The following EYA2 variants were observed in gnomAD, a reference collection of about 807,000 sequenced individuals.
The protein encoded by EYA2 is EYA transcriptional coactivator and phosphatase 2.
Under a neutral mutation model 69.2 loss-of-function variants are expected in EYA2, and 31 were observed. The observed-to-expected ratio is 0.45, with a 90% CI of 0.34 to 0.60. The LOEUF (loss-of-function observed/expected upper bound fraction) is 0.60. EYA2 is among the 20% of genes least tolerant of loss of function. The probability of loss-of-function intolerance (pLI) is 0.02; values close to 1 mark genes in which losing one functional copy is unlikely to be tolerated. For synonymous variants in EYA2, 257 were observed against 279.4 expected (o/e 0.92, Z 0.80); for missense variants, 622 against 701.2 (o/e 0.89, Z 1.28).
In EYA2 at chr20:47,144,058, T is replaced by A. The variant is rs1243359322; in HGVS notation, c.978+910T>A. 2.6e-5 allele frequency among the ~76,000 whole-genome samples: 4 copies of A among 152,170 alleles called. 1 individual carries two copies. The highest frequency in any genetic ancestry group is 2.1e-4 in the South Asian group (1 of 4,832). ...TGTTCACCTTATTGGTTCAACAGAT[T>A]GAAAAGTAAAGGCAACCGGCCGGGC... is the stretch of plus-strand genomic sequence containing the variant. On this transcript the variant is annotated intron_variant, in intron 10 of 15. Coordinates refer to ENST00000327619, the MANE Select transcript of EYA2 (RefSeq NM_005244.5).
intron 1 of EYA2, among the ~76,000 whole-genome samples, chr20:46,922,304 G>A (rs1037528122): frequency 6.6e-6 from 1 of 152,126 alleles, no homozygotes; most frequent in African/African-American, 2.4e-5. Context: ...GTAATTTTAG[G>A]TGCCTAGAAA....
chr20:47,140,455 A>G (rs2033570409), intron 9 of EYA2, among the ~76,000 whole-genome samples: 1 of 151,992 alleles, frequency 6.6e-6, no homozygotes, highest in South Asian at 2.1e-4. Context: ...TTTAAGGGTC[A>G]AAAAGGGTTT....
At position 47,148,428 on chromosome 20, in the gene EYA2, G is replaced by A. The variant is rs143749573; in HGVS notation, c.978+5280G>A. ...GGGGATAGGCAAGTGGGGGTTCTATGGTACCAGGGCAAATTGTTTAATTGC... is the reference window on the plus strand; with the variant it reads ...GGGGATAGGCAAGTGGGGGTTCTATAGTACCAGGGCAAATTGTTTAATTGC... On this transcript the variant is annotated intron_variant, in intron 10 of 15. Coordinates refer to ENST00000327619, the MANE Select transcript of EYA2 (RefSeq NM_005244.5). Among the ~76,000 whole-genome samples, 523 of 152,274 alleles carry A rather than the reference G, an allele frequency of 3.4e-3. 1 individual carries two copies. The highest frequency in any genetic ancestry group is 0.012 in the African/African-American group (478 of 41,554).
intron 12 of EYA2, among the ~76,000 whole-genome samples, chr20:47,177,306 C>T (rs2034446080): frequency 6.6e-6 from 1 of 151,474 alleles, no homozygotes; most frequent in Non-Finnish European, 1.5e-5. Context: ...AAAGATGGGG[C>T]CTTCCTGTCT....
chr20:47,041,575 G>A (rs1432075660), intron 5 of EYA2, among the ~76,000 whole-genome samples: 1 of 152,200 alleles, frequency 6.6e-6, no homozygotes, highest in Non-Finnish European at 1.5e-5. Context: ...TTATCACTGA[G>A]TTGCAGTGCC....
intron 9 of EYA2, among the ~76,000 whole-genome samples, chr20:47,106,648 GCTATGGTC>G (rs891699130): frequency 6.6e-6 from 1 of 151,838 alleles, no homozygotes; most frequent in African/African-American, 2.4e-5. Flanking sequence ...AGTGAGGCTG[GCTATGGTC>G]CTATCTGCCT....
At chr20:47,074,401 C>T (rs1338695001) in intron 7 of EYA2, 66 bp downstream of exon 7, 25 of 1,513,496 alleles carry the variant, frequency 1.7e-5, no homozygotes, top group Admixed American at 1.6e-4. Context: ...AGGAGGGACC[C>T]GCACATGGGT....
chr20:46,990,029 T>C lies in EYA2; in HGVS notation c.19T>C (p.Ser7Pro). The change falls in exon 2 of 16, where the codon TCA becomes CCA. Residue 7 changes from serine (S) to proline (P), a missense_variant. Transcript: ENST00000327619. MVELVI[S>P]PSLTVNSDCL... ...CAAGGAAATGGTAGAACTAGTGATC[T>C]CACCCAGCCTCACTGTAAACAGCGA... is the stretch of plus-strand genomic sequence containing the variant. 5 of 1,603,258 alleles carry C rather than the reference T, an allele frequency of 3.1e-6. No homozygotes were observed. Among genetic ancestry groups the C allele is most frequent in the Non-Finnish European group, 4.3e-6 (5 of 1,170,292 alleles).
chr20:47,021,759 T>C (rs964355796), intron 5 of EYA2, among the ~76,000 whole-genome samples: 3 of 151,748 alleles, frequency 2.0e-5, no homozygotes, highest in Non-Finnish European at 4.4e-5. Context: ...AGGAGCAACA[T>C]AGAATCGTGC....
chr20:46,911,159 G>A (rs1264668134), intron 1 of EYA2, among the ~76,000 whole-genome samples: 5 of 152,082 alleles, frequency 3.3e-5, no homozygotes, highest in Admixed American at 2.6e-4. Flanking sequence ...TTACAAAAAA[G>A]AGAAAGCATC....
chr20:46,989,879 T>C, intron 1 of EYA2, 122 bp from the exon 2 acceptor site: 4 of 512,188 alleles, frequency 7.8e-6, no homozygotes, highest in Middle Eastern at 5.1e-4. Context: ...ATGTAGAATT[T>C]ATAAGAAGTC....
intron 1 of EYA2, chr20:46,978,590 A>G (rs1980609320): frequency 1.9e-6 from 1 of 534,718 alleles, no homozygotes; most frequent in Non-Finnish European, 3.8e-6. Context: ...TCTTTGCTTT[A>G]TCTTAAGAGC....
At chr20:47,108,247 C>G (rs2032646927) in intron 9 of EYA2, among the ~76,000 whole-genome samples, 2 of 152,180 alleles carry the variant, frequency 1.3e-5, no homozygotes, top group African/African-American at 4.8e-5. Flanking sequence ...GGCTTGGTGC[C>G]ATTCTTGCAG....
intron 9 of EYA2, among the ~76,000 whole-genome samples, chr20:47,122,496 C>T (rs749939677): frequency 6.6e-6 from 1 of 151,776 alleles, no homozygotes; most frequent in Non-Finnish European, 1.5e-5. Context: ...GATGGGGTTT[C>T]ACCGTGTTAG....
At chr20:47,020,490 T>A (rs1293876100) in intron 5 of EYA2, among the ~76,000 whole-genome samples, 1 of 152,044 alleles carries the variant, frequency 6.6e-6, no homozygotes. Flanking sequence ...CACCCTGGGG[T>A]TTTTATAGCT....
chr20:47,019,445 C>A (rs1367826230), intron 5 of EYA2, among the ~76,000 whole-genome samples: 1 of 152,114 alleles, frequency 6.6e-6, no homozygotes, highest in East Asian at 1.9e-4. Context: ...ACAGAACGCT[C>A]ACACACCATG....
rs543237056 is a variant in EYA2, at chr20:46,914,550, C to T, written c.-11+19563C>T. Among the ~76,000 whole-genome samples, 45 of 152,198 alleles carry T rather than the reference C, an allele frequency of 3.0e-4. No individual in the cohort carries two copies. The Middle Eastern group carries it at 0.017, about 58-fold the overall frequency. ...AACACATCCTTCTTCATATGGTGGC[C>T]GGAAGGAGGAGAATCAGTGCCCAGG... is the stretch of plus-strand genomic sequence containing the variant. On this transcript the variant is annotated intron_variant, in intron 1 of 15. Transcript: ENST00000327619.
At chr20:47,096,999 C>A in intron 8 of EYA2, 86 bp from the exon 9 acceptor site, 1 of 966,472 alleles carries the variant, frequency 1.0e-6, no homozygotes, top group Non-Finnish European at 1.6e-6. Context: ...GACTTCTTTT[C>A]CTCCAAGGGA....
rs1440323704 is a variant in EYA2, at chr20:46,958,130, G to T, written c.-10-31871G>T. On this transcript the variant is annotated intron_variant, in intron 1 of 15. Coordinates refer to ENST00000327619, the MANE Select transcript of EYA2 (RefSeq NM_005244.5). ...ACTTTATTCTCACCATCACACCCTC[G>T]CTTGCAGTGATGGCATTTTTTGCTT... Among the ~76,000 whole-genome samples the T allele has an allele frequency of 2.0e-5, 3 of 152,196 alleles. No homozygotes were observed. In the South Asian group the frequency reaches 6.2e-4, roughly 32 times the overall value.
Sources: gnomAD v4.1 joint callset for allele counts (sites outside exome capture counted in the v4.1 genomes callset) on GRCh38, gnomAD v4.1.1 for gene constraint, MANE v1.5 for transcripts, NCBI Gene and HGNC (gene_info 2026-07-23, HGNC 2026-07-21) for gene names.